The following NSUN7 variants were observed in gnomAD, a reference collection of about 807,000 sequenced individuals.
NSUN7 encodes protein NSUN7.
A neutral mutation model predicts 58.5 loss-of-function variants in NSUN7; 39 were observed. The ratio of observed to expected loss-of-function variants is 0.67; its 90% confidence interval spans 0.52 to 0.87. NSUN7 has a LOEUF of 0.87. Ranked by LOEUF, NSUN7 falls within the 40% of genes least tolerant of loss-of-function variation. The pLI, the probability that NSUN7 is intolerant of heterozygous loss-of-function variation, is 0.00. For synonymous variants in NSUN7, 278 were observed against 303.7 expected, an observed-to-expected ratio of 0.92 and a Z score of 0.88; for missense variants, 765 against 844.1, an observed-to-expected ratio of 0.91 and a Z score of 1.16.
intron 7 of NSUN7, among the ~76,000 whole-genome samples, chr4:40,785,703 A>T (rs1268166406): frequency 6.6e-6 from 1 of 152,216 alleles, no homozygotes; most frequent in Non-Finnish European, 1.5e-5. Context: ...TATCAGTTAT[A>T]AAAGAAATCA....
chr4:40,808,207 A>G, intron 11 of NSUN7, 100 bp from the exon 12 acceptor site: 2 of 1,330,398 alleles, frequency 1.5e-6, no homozygotes, highest in South Asian at 1.5e-5. Flanking sequence ...TTAGTATAAT[A>G]AAGAGAGTCT....
chr4:40,807,350 C>CTTT (rs372231273), intron 11 of NSUN7, among the ~76,000 whole-genome samples, 166 bp downstream of exon 11: 2 of 139,814 alleles, frequency 1.4e-5, no homozygotes, highest in African/African-American at 5.3e-5. Context: ...AAGCCCTGTT[C>CTTT]TTTTTTTTTT....
chr4:40,750,618 T>C lies in NSUN7; in HGVS notation c.-76T>C. On this transcript the variant is annotated 5_prime_UTR_variant, in exon 2 of 12. An upstream start codon of the reference 5' UTR is lost. Coordinates refer to ENST00000381782, the MANE Select transcript of NSUN7 (RefSeq NM_024677.6). ...CTCTTCACAGAGACCATGCTGCAGA[T>C]GCGAGGAAAGCCGTTTCCTGGAACA... 5 of 1,528,442 alleles carry C rather than the reference T, an allele frequency of 3.3e-6. No homozygotes were observed. The highest frequency in any genetic ancestry group is 4.5e-6 in the Non-Finnish European group (5 of 1,121,076). 94.7% of individuals were successfully genotyped at this position (1,528,442 alleles called of 1,614,324 possible). A position where few individuals can be genotyped will look rare whatever the true frequency, so the allele number is the denominator to read the frequency against.
chr4:40,782,409 C>A (rs1374776989), intron 7 of NSUN7, among the ~76,000 whole-genome samples: 1 of 151,702 alleles, frequency 6.6e-6, no homozygotes, highest in Non-Finnish European at 1.5e-5. Flanking sequence ...ATAAAAAATA[C>A]AAAAACAAAT....
intron 2 of NSUN7, among the ~76,000 whole-genome samples, chr4:40,751,899 G>T (rs1740854259): frequency 6.6e-6 from 1 of 152,178 alleles, no homozygotes; most frequent in African/African-American, 2.4e-5. Context: ...GGGAGATTGA[G>T]GCGGGAGGAT....
At chr4:40,771,772 A>G (rs1742023619) in intron 4 of NSUN7, among the ~76,000 whole-genome samples, 1 of 148,844 alleles carries the variant, frequency 6.7e-6, no homozygotes, top group Admixed American at 6.7e-5. Flanking sequence ...ATTTAATATC[A>G]TAAAGGAAGC....
chr4:40,796,473 C>G (rs1212806905), intron 9 of NSUN7, among the ~76,000 whole-genome samples: 1 of 151,848 alleles, frequency 6.6e-6, no homozygotes, highest in East Asian at 1.9e-4. Flanking sequence ...GACCCTGCCT[C>G]TACAAAAAAT....
In NSUN7 at chr4:40,809,107, A is replaced by G. The variant is rs1326773986; in HGVS notation, c.*168A>G. ...AGAATTCAGACAAGTGAGAAACAAT[A>G]ATGTAGGAGTCAGCAAAGCAGAATT... On this transcript the variant is annotated 3_prime_UTR_variant, in exon 12 of 12. Coordinates refer to ENST00000381782, the MANE Select transcript of NSUN7 (RefSeq NM_024677.6). 2 of 713,252 alleles carry G rather than the reference A, an allele frequency of 2.8e-6. No homozygotes were observed. Among genetic ancestry groups the G allele is most frequent in the Non-Finnish European group, 4.4e-6 (2 of 455,934 alleles). The allele number at this position is 713,252 out of a possible 1,614,324, so 44.2% of individuals were successfully genotyped here.
rs985784965 is a variant in NSUN7, at chr4:40,810,820, G to A, written c.*1881G>A. ...TCCCACCCAGATTTCTATCTGGTTG[G>A]TTAGGGTAGTCCATGCCTCAAGGAA... is the stretch of plus-strand genomic sequence containing the variant. On this transcript the variant is annotated 3_prime_UTR_variant, in exon 12 of 12. Transcript: ENST00000381782. 6.6e-6 allele frequency: 1 copy of A among 152,110 alleles called. No individual in the cohort carries two copies. Among genetic ancestry groups the A allele is most frequent in the Non-Finnish European group, 1.5e-5 (1 of 68,032 alleles). The allele number at this position is 152,110 out of a possible 1,614,324, so 9.4% of individuals were successfully genotyped here. A position where few individuals can be genotyped will look rare whatever the true frequency, so the allele number is the denominator to read the frequency against.
intron 7 of NSUN7, among the ~76,000 whole-genome samples, chr4:40,777,094 C>T (rs566985942): frequency 1.3e-4 from 20 of 152,222 alleles, no homozygotes; most frequent in African/African-American, 4.3e-4. Context: ...GGAGAGGTAG[C>T]CTGGTAAATA....
Position 40,798,770 on chromosome 4 carries a change from A to G in NSUN7, c.1283-17A>G. 2.8e-6 allele frequency: 4 copies of G among 1,412,922 alleles called. No homozygotes were observed. Among genetic ancestry groups the G allele is most frequent in the Non-Finnish European group, 4.0e-6 (4 of 1,003,272 alleles). The allele number at this position is 1,412,922 out of a possible 1,614,324, so 87.5% of individuals were successfully genotyped here. ...TTAATATAGTTGTTACAGTCATTGC[A>G]TCTTCTTCTAATATAGTTACTAAAG... is the stretch of plus-strand genomic sequence containing the variant. On this transcript the variant is annotated splice_polypyrimidine_tract_variant and intron_variant, in intron 9 of 11. Transcript: ENST00000381782.
chr4:40,770,598 A>G (rs1264405412), intron 4 of NSUN7, among the ~76,000 whole-genome samples: 2 of 152,254 alleles, frequency 1.3e-5, no homozygotes, highest in East Asian at 3.8e-4. Context: ...TTTAAAGAGA[A>G]CCACAGTTCT....
At chr4:40,764,741 G>A (rs1335166650) in intron 4 of NSUN7, among the ~76,000 whole-genome samples, 2 of 151,970 alleles carry the variant, frequency 1.3e-5, no homozygotes, top group African/African-American at 4.8e-5. Context: ...TCCAGCACCT[G>A]TTGTTTCCTG....
intron 7 of NSUN7, among the ~76,000 whole-genome samples, chr4:40,780,291 A>T (rs1343450940): frequency 6.6e-6 from 1 of 151,940 alleles, no homozygotes; most frequent in Non-Finnish European, 1.5e-5. Flanking sequence ...TAAATCAATC[A>T]ATCAATCAAT....
intron 2 of NSUN7, among the ~76,000 whole-genome samples, chr4:40,753,628 T>A (rs1740947873): frequency 6.6e-6 from 1 of 152,232 alleles, no homozygotes; most frequent in Non-Finnish European, 1.5e-5. Flanking sequence ...TTCGTTTTTA[T>A]AAGTTCAAAT....
chr4:40,790,079 T>C (rs1197247229), intron 7 of NSUN7, among the ~76,000 whole-genome samples: 1 of 151,260 alleles, frequency 6.6e-6, no homozygotes, highest in Non-Finnish European at 1.5e-5. Flanking sequence ...TTTTTTTTTT[T>C]TTTCTGGAGA....
intron 7 of NSUN7, chr4:40,786,001 A>G: frequency 7.2e-7 from 1 of 1,389,324 alleles, no homozygotes; most frequent in African/African-American, 1.5e-5. Context: ...CGCTGAGTGA[A>G]GAAGAGGGAA....
At chr4:40,785,148 A>G (rs1335117335) in intron 7 of NSUN7, among the ~76,000 whole-genome samples, 1 of 148,616 alleles carries the variant, frequency 6.7e-6, no homozygotes, top group African/African-American at 2.5e-5. Flanking sequence ...CAGTCCTCCC[A>G]CTTCAGCATC....
chr4:40,762,816 G>A (rs548545803), intron 4 of NSUN7: 1 of 152,058 alleles, frequency 6.6e-6, no homozygotes, highest in African/African-American at 2.4e-5. Context: ...ACTGCACATG[G>A]TGAGGGATCT....
Sources: gnomAD v4.1 joint callset for allele counts (sites outside exome capture counted in the v4.1 genomes callset) on GRCh38, gnomAD v4.1.1 for gene constraint, MANE v1.5 for transcripts, NCBI Gene and HGNC (gene_info 2026-07-23, HGNC 2026-07-21) for gene names.